IL1RAPL2: variants seen among roughly 807,000 people sequenced by gnomAD.
IL1RAPL2 encodes the protein X-linked interleukin-1 receptor accessory protein-like 2.
IL1RAPL2 carries 3 observed loss-of-function variants against 44.1 expected under a neutral mutation model. That is an observed-to-expected ratio of 0.07 (90% confidence interval 0.03 to 0.18). The LOEUF (loss-of-function observed/expected upper bound fraction) is 0.18. Among genes scored for constraint, IL1RAPL2 ranks in the 10% least tolerant of loss-of-function variants. The probability of loss-of-function intolerance (pLI) is 1.00; values close to 1 mark genes in which losing one functional copy is unlikely to be tolerated. For missense variants in IL1RAPL2, 391 were observed against 496.4 expected, an observed-to-expected ratio of 0.79 and a Z score of 2.02; for synonymous variants, 181 against 178.8, an observed-to-expected ratio of 1.01 and a Z score of -0.10.
At chrX:105,118,085 C>T (rs1339670418) in intron 2 of IL1RAPL2, among the ~76,000 whole-genome samples, 1 of 112,390 alleles carries the variant, frequency 8.9e-6, no homozygotes, top group Non-Finnish European at 1.9e-5. Context: ...TAAACCTCAA[C>T]AAATATTCAA....
intron 5 of IL1RAPL2, among the ~76,000 whole-genome samples, chrX:105,424,883 C>T (rs1441633810): frequency 9.0e-6 from 1 of 110,801 alleles, no homozygotes; most frequent in Non-Finnish European, 1.9e-5. Context: ...TCTTGCTTAG[C>T]TCAGTTCACA....
At chrX:105,515,768 C>G (rs1312975397) in intron 6 of IL1RAPL2, among the ~76,000 whole-genome samples, 1 of 111,868 alleles carries the variant, frequency 8.9e-6, no homozygotes, top group Non-Finnish European at 1.9e-5. Context: ...AACCACGAAC[C>G]TGTGACTAGG....
At chrX:105,135,347 A>G (rs918235419) in intron 2 of IL1RAPL2, among the ~76,000 whole-genome samples, 8 of 111,262 alleles carry the variant, frequency 7.2e-5, no homozygotes, top group Non-Finnish European at 1.1e-4. Flanking sequence ...TTTAGTTTCA[A>G]TTTTTCAAAG....
intron 2 of IL1RAPL2, among the ~76,000 whole-genome samples, chrX:105,149,905 A>G (rs1463842849): frequency 9.0e-6 from 1 of 111,159 alleles, no homozygotes; most frequent in Non-Finnish European, 1.9e-5. Context: ...AAATTGATTT[A>G]TATTTTAATA....
At chrX:105,147,897 C>T (rs1289482594) in intron 2 of IL1RAPL2, among the ~76,000 whole-genome samples, 2 of 110,728 alleles carry the variant, frequency 1.8e-5, no homozygotes, top group Admixed American at 9.6e-5. Flanking sequence ...AATTAAGACC[C>T]GAGACTGCTA....
intron 2 of IL1RAPL2, among the ~76,000 whole-genome samples, chrX:104,948,965 A>C (rs112408890): frequency 1.8e-5 from 2 of 108,814 alleles, no homozygotes; most frequent in Non-Finnish European, 3.8e-5. Flanking sequence ...CTCTTTTTCT[A>C]TTGATTGGAA....
At chrX:104,879,330 C>T (rs1922995543) in intron 2 of IL1RAPL2, among the ~76,000 whole-genome samples, 1 of 53,325 alleles carries the variant, frequency 1.9e-5, no homozygotes, top group South Asian at 7.2e-4. Flanking sequence ...AAAACCCAAA[C>T]ACGTTAATTT....
At chrX:105,639,048 T>C (rs1179932587) in intron 6 of IL1RAPL2, among the ~76,000 whole-genome samples, 2 of 111,870 alleles carry the variant, frequency 1.8e-5, no homozygotes, top group East Asian at 5.6e-4. Flanking sequence ...AAATATAAGT[T>C]CTATTAGGGG....
chrX:105,570,994 A>C (rs1031792718), intron 6 of IL1RAPL2, among the ~76,000 whole-genome samples: 3 of 111,525 alleles, frequency 2.7e-5, no homozygotes, highest in Non-Finnish European at 5.7e-5. Flanking sequence ...CCAAAAATTC[A>C]CTCTGACAAG....
intron 2 of IL1RAPL2, among the ~76,000 whole-genome samples, chrX:104,840,976 C>T (rs1388376198): frequency 9.0e-6 from 1 of 110,965 alleles, no homozygotes; most frequent in Non-Finnish European, 1.9e-5. Flanking sequence ...AGGCATGAGC[C>T]ACCACGCCCA....
intron 2 of IL1RAPL2, among the ~76,000 whole-genome samples, chrX:104,791,205 C>T (rs1343830834): frequency 9.6e-6 from 1 of 103,876 alleles, no homozygotes; most frequent in South Asian, 5.1e-4. Flanking sequence ...CCTGCCCTTC[C>T]CTTCCCTCTC....
chrX:104,742,090 G>A (rs1932109495), intron 2 of IL1RAPL2, among the ~76,000 whole-genome samples: 1 of 111,321 alleles, frequency 9.0e-6, no homozygotes, highest in African/African-American at 3.3e-5. Context: ...TGACCGTTTT[G>A]TCATTAAAAA....
intron 2 of IL1RAPL2, among the ~76,000 whole-genome samples, chrX:105,026,923 A>C (rs2147749430): frequency 9.0e-6 from 1 of 111,464 alleles, no homozygotes; most frequent in Non-Finnish European, 1.9e-5. Context: ...ACTTCAAATT[A>C]TATAACCAAG....
intron 2 of IL1RAPL2, among the ~76,000 whole-genome samples, chrX:105,059,042 C>A (rs1054104500): frequency 8.9e-6 from 1 of 111,814 alleles, no homozygotes; most frequent in Non-Finnish European, 1.9e-5. Context: ...TTGATACTAA[C>A]ATACAATGCA....
chrX:104,814,082 G>C (rs1921071540), intron 2 of IL1RAPL2, among the ~76,000 whole-genome samples: 1 of 110,938 alleles, frequency 9.0e-6, no homozygotes, highest in Non-Finnish European at 1.9e-5. Flanking sequence ...GGGTACCAGG[G>C]GTAAGGACCC....
intron 6 of IL1RAPL2, among the ~76,000 whole-genome samples, chrX:105,604,899 A>G (rs766450068): frequency 1.8e-5 from 2 of 111,327 alleles, no homozygotes; most frequent in African/African-American, 3.3e-5. Flanking sequence ...TCACCTCAGT[A>G]GGTGCAGAAA....
At chrX:105,214,358 TA>T (rs201596572) in intron 3 of IL1RAPL2, among the ~76,000 whole-genome samples, 15,881 of 86,802 alleles carry the variant, frequency 0.18, 3,349 homozygotes, top group African/African-American at 0.57. Flanking sequence ...CCAACAAAGA[TA>T]AAAAAAAAAA....
intron 2 of IL1RAPL2, among the ~76,000 whole-genome samples, chrX:104,749,833 G>A (rs181051573): frequency 3.4e-4 from 38 of 111,889 alleles, no homozygotes; most frequent in Admixed American, 2.1e-3. Flanking sequence ...AATGGATAAT[G>A]TATAAATGCG....
chrX:105,642,473 C>T (rs990028769), intron 6 of IL1RAPL2, among the ~76,000 whole-genome samples: 1 of 111,694 alleles, frequency 9.0e-6, no homozygotes, highest in Non-Finnish European at 1.9e-5. Context: ...TTTAATCAAC[C>T]TGAAGTCTTC....
Sources: allele counts gnomAD v4.1 joint callset (sites outside exome capture counted in the v4.1 genomes callset), GRCh38; gene constraint gnomAD v4.1.1; transcripts MANE v1.5; gene names NCBI Gene and HGNC (gene_info 2026-07-23, HGNC 2026-07-21).